NRG3: variants seen among roughly 807,000 people sequenced by gnomAD.
The protein encoded by NRG3 is pro-neuregulin-3, membrane-bound isoform.
Under a neutral mutation model 66.9 loss-of-function variants are expected in NRG3, and 31 were observed. The ratio of observed to expected loss-of-function variants is 0.46; its 90% CI spans 0.35 to 0.63. The LOEUF (loss-of-function observed/expected upper bound fraction) is 0.63. Among genes scored for constraint, NRG3 ranks in the 20% least tolerant of loss-of-function variants. The probability of loss-of-function intolerance (pLI) is 0.00; values close to 1 mark genes in which losing one functional copy is unlikely to be tolerated. For missense variants in NRG3, 910 were observed against 878.9 expected, an observed-to-expected ratio of 1.04 and a Z score of -0.45; for synonymous variants, 393 against 359.4, an observed-to-expected ratio of 1.09 and a Z score of -1.06.
intron 1 of NRG3, among the ~76,000 whole-genome samples, chr10:82,333,280 G>A (rs746098704): frequency 4.0e-4 from 61 of 152,260 alleles, no homozygotes; most frequent in South Asian, 1.0e-3. Flanking sequence ...CAAAATAGCC[G>A]CCACACAAGG....
chr10:82,199,095 G>T (rs1295874033), intron 1 of NRG3, among the ~76,000 whole-genome samples: 1 of 150,400 alleles, frequency 6.6e-6, no homozygotes, highest in African/African-American at 2.4e-5. Context: ...TTGGAACCTG[G>T]GAGGCAGAGG....
chr10:81,956,057 C>T (rs988309075), intron 1 of NRG3, among the ~76,000 whole-genome samples: 2 of 152,172 alleles, frequency 1.3e-5, no homozygotes, highest in Non-Finnish European at 2.9e-5. Context: ...TCTCATCCCA[C>T]GTGCTTTTCT....
intron 1 of NRG3, among the ~76,000 whole-genome samples, chr10:82,301,701 T>TATATATATAC (rs1416235764): frequency 6.7e-6 from 1 of 148,504 alleles, no homozygotes; most frequent in African/African-American, 2.4e-5. Context: ...TATATATATA[T>TATATATATAC]ATATATGTAA....
intron 2 of NRG3, among the ~76,000 whole-genome samples, chr10:82,574,122 T>C (rs1175264309): frequency 6.6e-6 from 1 of 151,788 alleles, no homozygotes; most frequent in African/African-American, 2.4e-5. Context: ...AGCCAAGATA[T>C]GAACTCAACC....
intron 2 of NRG3, among the ~76,000 whole-genome samples, chr10:82,413,749 A>T (rs2088308148): frequency 6.6e-6 from 1 of 152,192 alleles, no homozygotes; most frequent in Non-Finnish European, 1.5e-5. Context: ...TGTTCCTTCT[A>T]CATCAACATT....
intron 2 of NRG3, among the ~76,000 whole-genome samples, chr10:82,712,401 CA>C (rs1357761277): frequency 6.6e-6 from 1 of 152,128 alleles, no homozygotes; most frequent in African/African-American, 2.4e-5. Context: ...GAAATATTTT[CA>C]CATTATGTAA....
chr10:82,540,775 A>G (rs1177298441), intron 2 of NRG3, among the ~76,000 whole-genome samples: 1 of 152,320 alleles, frequency 6.6e-6, no homozygotes, highest in East Asian at 1.9e-4. Flanking sequence ...ACATTAGAAT[A>G]AGAGTTATAA....
chr10:82,252,319 C>T (rs1171009707), intron 1 of NRG3, among the ~76,000 whole-genome samples: 4 of 152,288 alleles, frequency 2.6e-5, no homozygotes, highest in South Asian at 2.1e-4. Context: ...AATTTCACCT[C>T]GTGCCAAGTG....
intron 2 of NRG3, among the ~76,000 whole-genome samples, chr10:82,717,191 A>G (rs976658126): frequency 1.3e-5 from 2 of 152,160 alleles, no homozygotes; most frequent in African/African-American, 2.4e-5. Flanking sequence ...CTTTACATCT[A>G]GAAACAATTT....
intron 1 of NRG3, among the ~76,000 whole-genome samples, chr10:82,083,066 A>G (rs532952651): frequency 2.6e-5 from 4 of 151,878 alleles, no homozygotes; most frequent in Non-Finnish European, 4.4e-5. Flanking sequence ...ATAGCCTCCC[A>G]AAGTACTGGG....
At chr10:82,952,703 A>G (rs1027005146) in intron 5 of NRG3, among the ~76,000 whole-genome samples, 1 of 151,840 alleles carries the variant, frequency 6.6e-6, no homozygotes, top group Non-Finnish European at 1.5e-5. Flanking sequence ...CAGTGGACCT[A>G]TAATTTTTTA....
chr10:82,394,746 G>C (rs2086609780), intron 2 of NRG3, among the ~76,000 whole-genome samples: 1 of 152,184 alleles, frequency 6.6e-6, no homozygotes, highest in Admixed American at 6.5e-5. Context: ...AATGTGGTTT[G>C]TCATAATTAA....
At chr10:81,975,361 C>T (rs1038304369) in intron 1 of NRG3, among the ~76,000 whole-genome samples, 1 of 147,888 alleles carries the variant, frequency 6.8e-6, no homozygotes, top group African/African-American at 2.6e-5. Context: ...ATCTATCTAT[C>T]TATCTATCTA....
At chr10:81,979,228 A>T (rs1245035072) in intron 1 of NRG3, among the ~76,000 whole-genome samples, 1 of 151,560 alleles carries the variant, frequency 6.6e-6, no homozygotes, top group Non-Finnish European at 1.5e-5. Context: ...TGTCTGTCTG[A>T]ATTCAGGAAC....
intron 2 of NRG3, among the ~76,000 whole-genome samples, chr10:82,629,765 G>A (rs545832511): frequency 6.6e-6 from 1 of 152,096 alleles, no homozygotes; most frequent in Non-Finnish European, 1.5e-5. Flanking sequence ...TATACTTCAG[G>A]ACTTTAAAAT....
chr10:82,027,419 C>T (rs1408755816), intron 1 of NRG3, among the ~76,000 whole-genome samples: 1 of 151,876 alleles, frequency 6.6e-6, no homozygotes, highest in African/African-American at 2.4e-5. Flanking sequence ...GAGTTTTTTT[C>T]TTCTCCAGGG....
chr10:82,713,997 T>G (rs2056830208), intron 2 of NRG3, among the ~76,000 whole-genome samples: 1 of 152,160 alleles, frequency 6.6e-6, no homozygotes, highest in Non-Finnish European at 1.5e-5. Flanking sequence ...GTATGCTGAA[T>G]GTACACCATA....
At chr10:82,383,908 T>A (rs888543860) in intron 2 of NRG3, among the ~76,000 whole-genome samples, 6 of 151,944 alleles carry the variant, frequency 3.9e-5, no homozygotes, top group East Asian at 1.9e-4. Flanking sequence ...AATATGTTTC[T>A]CATTCTTTTA....
intron 1 of NRG3, among the ~76,000 whole-genome samples, chr10:81,916,341 T>C (rs1845704219): frequency 6.6e-6 from 1 of 152,204 alleles, no homozygotes; most frequent in Admixed American, 6.6e-5. Context: ...ACCATATAAC[T>C]TGAATTTAAT....
Sources: allele counts gnomAD v4.1 joint callset (sites outside exome capture counted in the v4.1 genomes callset), GRCh38; gene constraint gnomAD v4.1.1; transcripts MANE v1.5; gene names NCBI Gene and HGNC (gene_info 2026-07-23, HGNC 2026-07-21).